Variants in RUNX2 observed in about 807,000 individuals in gnomAD.
RUNX2 encodes the protein RUNX family transcription factor 2, also known as runt-related transcription factor 2.
RUNX2 carries 10 observed loss-of-function variants against 51.7 expected under a neutral mutation model. The ratio of observed to expected loss-of-function variants is 0.19; its 90% CI spans 0.12 to 0.33. The LOEUF is 0.33. Among genes scored for constraint, RUNX2 ranks in the 10% least tolerant of loss-of-function variants. The pLI is 1.00. For missense variants in RUNX2, 562 were observed against 691.3 expected, an observed-to-expected ratio of 0.81 and a Z score of 2.10; for synonymous variants, 276 against 273.6, an observed-to-expected ratio of 1.01 and a Z score of -0.09.
chr6:45,521,418 A>T (rs1801505451), intron 7 of RUNX2, among the ~76,000 whole-genome samples: 1 of 152,218 alleles, frequency 6.6e-6, no homozygotes, highest in Non-Finnish European at 1.5e-5. Context: ...TGTTTCCAGA[A>T]CTTGCTGCTA....
Position 45,422,631 on chromosome 6 carries a change from AGCCTGCAG to A in RUNX2, c.98_105del (p.Ser33ThrfsTer125). The stretch of plus-strand genomic sequence containing the variant: ...CCGGCGCTTCAGCCCCCCCTCCAGC[AGCCTGCAG>A]CCCGGCAAAATGAGCGACGTGAGCC... On this transcript the variant is annotated frameshift_variant, in exon 3 of 9. Coordinates refer to ENST00000647337, the MANE Select transcript of RUNX2 (RefSeq NM_001024630.4). LOFTEE classifies it high-confidence loss of function. The A allele has an allele frequency of 6.2e-7, 1 of 1,605,598 alleles. No individual in the cohort carries two copies. The highest frequency in any genetic ancestry group is 1.1e-5 in the South Asian group (1 of 89,804).
intron 2 of RUNX2, among the ~76,000 whole-genome samples, chr6:45,406,789 C>T (rs1181208829): frequency 6.6e-6 from 1 of 152,102 alleles, no homozygotes. Flanking sequence ...TTCCCAATCC[C>T]CGAAAATACT....
At chr6:45,353,459 G>A (rs1223013284) in intron 2 of RUNX2, among the ~76,000 whole-genome samples, 4 of 151,812 alleles carry the variant, frequency 2.6e-5, no homozygotes, top group East Asian at 1.9e-4. Context: ...ACTACTCAAC[G>A]GAACAAAGCA....
intron 7 of RUNX2, among the ~76,000 whole-genome samples, chr6:45,543,522 G>A (rs1270939083): frequency 6.6e-6 from 1 of 152,164 alleles, no homozygotes; most frequent in Non-Finnish European, 1.5e-5. Context: ...TATCACTGGG[G>A]GAGTGGCTGA....
At chr6:45,402,213 G>A (rs1797727676) in intron 2 of RUNX2, among the ~76,000 whole-genome samples, 2 of 152,222 alleles carry the variant, frequency 1.3e-5, no homozygotes, top group African/African-American at 2.4e-5. Flanking sequence ...TACTTCTTTA[G>A]CTGAAGCTAG....
chr6:45,457,819 G>A (rs937736564), intron 5 of RUNX2, among the ~76,000 whole-genome samples: 15 of 152,218 alleles, frequency 9.9e-5, no homozygotes, highest in Non-Finnish European at 1.2e-4. Flanking sequence ...GAGAGCCTGG[G>A]ACTGAGTGGA....
chr6:45,535,502 G>T (rs1802002932), intron 7 of RUNX2, among the ~76,000 whole-genome samples: 1 of 152,028 alleles, frequency 6.6e-6, no homozygotes, highest in South Asian at 2.1e-4. Context: ...TACTGGGGAG[G>T]CTGAGGCAGA....
Position 45,384,052 on chromosome 6 carries a change from G to A in RUNX2, c.59-38541G>A, listed in dbSNP as rs573596216. On this transcript the variant is annotated intron_variant, in intron 2 of 8. Transcript: ENST00000647337. ...TAAAACCATTTCTTTAACTCAGTCA[G>A]GTATAGTGTAAAAAATAAAGGCTTT... 1.1e-4 allele frequency among the ~76,000 whole-genome samples: 17 copies of A among 152,216 alleles called. 1 individual carries two copies. Among genetic ancestry groups the A allele is most frequent in the African/African-American group, 3.9e-4 (16 of 41,514 alleles).
At chr6:45,480,652 G>A (rs1195755159) in intron 5 of RUNX2, among the ~76,000 whole-genome samples, 1 of 152,214 alleles carries the variant, frequency 6.6e-6, no homozygotes. Flanking sequence ...GAGAATTGCA[G>A]AGCAGCATAC....
rs62400328 is a variant in RUNX2, at chr6:45,331,135, G to A, written c.58+2351G>A. ...TGTGTGTGTGTGTGTGTGCGCGCGC[G>A]CGCGCACATGCTAGAGAAAGAGTAT... On this transcript the variant is annotated intron_variant, in intron 2 of 8. Transcript: ENST00000647337. Among the ~76,000 whole-genome samples, 471 of 151,954 alleles carry A rather than the reference G, an allele frequency of 3.1e-3. 1 individual carries two copies. The highest frequency in any genetic ancestry group is 4.8e-3 in the African/African-American group (199 of 41,492).
chr6:45,452,959 T>C (rs1799216568), intron 5 of RUNX2, among the ~76,000 whole-genome samples: 2 of 152,214 alleles, frequency 1.3e-5, no homozygotes, highest in South Asian at 4.1e-4. Flanking sequence ...CCATCACTGG[T>C]GGAGAACCAC....
chr6:45,479,168 T>C (rs1310419496), intron 5 of RUNX2, among the ~76,000 whole-genome samples: 2 of 152,212 alleles, frequency 1.3e-5, no homozygotes, highest in East Asian at 1.9e-4. Context: ...ACATTCTCAA[T>C]GAAAGGTCCA....
chr6:45,469,991 T>G (rs111411480), intron 5 of RUNX2, among the ~76,000 whole-genome samples: 2,492 of 152,268 alleles, frequency 0.016, 56 homozygotes, highest in African/African-American at 0.056. Context: ...CAGACCCCTT[T>G]GACAATGAAA....
intron 2 of RUNX2, among the ~76,000 whole-genome samples, chr6:45,386,835 A>C (rs1797358044): frequency 6.6e-6 from 1 of 152,234 alleles, no homozygotes; most frequent in African/African-American, 2.4e-5. Context: ...TAGAAATTTG[A>C]CAGGAGCCAG....
chr6:45,495,304 A>C (rs561149204), intron 6 of RUNX2, among the ~76,000 whole-genome samples: 1 of 152,266 alleles, frequency 6.6e-6, no homozygotes, highest in Non-Finnish European at 1.5e-5. Context: ...CAATCGGTGC[A>C]ATAAGGGTTG....
chr6:45,348,115 C>T (rs1791264480), intron 2 of RUNX2, among the ~76,000 whole-genome samples: 1 of 151,970 alleles, frequency 6.6e-6, no homozygotes, highest in Admixed American at 6.6e-5. Context: ...AAAAGCAGCA[C>T]CTTTCTCATT....
At chr6:45,377,070 C>T (rs2150334492) in intron 2 of RUNX2, among the ~76,000 whole-genome samples, 1 of 151,694 alleles carries the variant, frequency 6.6e-6, no homozygotes, top group East Asian at 1.9e-4. Context: ...CGTGTGAGAC[C>T]AAGTGTCCTG....
intron 2 of RUNX2, among the ~76,000 whole-genome samples, chr6:45,417,387 G>T (rs1798086947): frequency 6.6e-6 from 1 of 152,206 alleles, no homozygotes; most frequent in Non-Finnish European, 1.5e-5. Context: ...TAAGGAGCCT[G>T]TGAAAATGTA....
intron 5 of RUNX2, among the ~76,000 whole-genome samples, chr6:45,463,272 G>A (rs980182372): frequency 1.3e-5 from 2 of 152,108 alleles, no homozygotes; most frequent in Non-Finnish European, 2.9e-5. Context: ...TTTCCATACA[G>A]AAACAAGAGG....
Sources: gnomAD v4.1 joint callset for allele counts (sites outside exome capture counted in the v4.1 genomes callset) on GRCh38, gnomAD v4.1.1 for gene constraint, MANE v1.5 for transcripts, NCBI Gene and HGNC (gene_info 2026-07-23, HGNC 2026-07-21) for gene names.